Variants in AKAP10 observed in about 807,000 individuals in gnomAD.
The protein encoded by AKAP10 is A-kinase anchor protein 10, mitochondrial.
Under a neutral mutation model 80.8 loss-of-function variants are expected in AKAP10, and 24 were observed. That is an observed-to-expected ratio of 0.30 (90% CI 0.22 to 0.42). The LOEUF (loss-of-function observed/expected upper bound fraction) is 0.42, where lower values mean the gene tolerates loss of function less well. AKAP10 is among the 10% of genes least tolerant of loss of function. AKAP10 has a pLI of 1.00. For synonymous variants in AKAP10, 291 were observed against 277.7 expected, an observed-to-expected ratio of 1.05 and a Z score of -0.48; for missense variants, 661 against 794.9, an observed-to-expected ratio of 0.83 and a Z score of 2.03.
At chr17:19,954,586 A>G (rs1012009805) in intron 4 of AKAP10, among the ~76,000 whole-genome samples, 4 of 150,536 alleles carry the variant, frequency 2.7e-5, no homozygotes, top group Admixed American at 1.3e-4. Flanking sequence ...CCGGGTTCAC[A>G]CTATTCTCCT....
intron 4 of AKAP10, among the ~76,000 whole-genome samples, chr17:19,948,803 A>T (rs1309197409): frequency 6.6e-6 from 1 of 152,050 alleles, no homozygotes; most frequent in East Asian, 1.9e-4. Context: ...AGGCTTTGGG[A>T]CCTGACCATT....
At chr17:19,923,163 C>T (rs998888890) in intron 11 of AKAP10, among the ~76,000 whole-genome samples, 14 of 151,988 alleles carry the variant, frequency 9.2e-5, no homozygotes, top group Non-Finnish European at 7.4e-5. Flanking sequence ...CTGCAACCTC[C>T]GCCTCCCGGG....
intron 1 of AKAP10, among the ~76,000 whole-genome samples, chr17:19,974,486 A>C (rs965846979): frequency 6.6e-6 from 1 of 152,126 alleles, no homozygotes; most frequent in Admixed American, 6.5e-5. Context: ...TGGCCTAGGG[A>C]AGCCAAAAGA....
chr17:19,906,226 G>A lies in AKAP10; in HGVS notation c.*1C>T, dbSNP rs754704606. 6.2e-7 allele frequency: 1 copy of A among 1,607,434 alleles called. No individual in the cohort carries two copies. ...AGATTTCCTTTATCTCAAGTTTTGAGTCATAACTGAAAAAAGAAAAGAAAA... is the reference window on the plus strand; with the variant it reads ...AGATTTCCTTTATCTCAAGTTTTGAATCATAACTGAAAAAAGAAAAGAAAA... On this transcript the variant is annotated 3_prime_UTR_variant, in exon 15 of 15. Coordinates refer to ENST00000225737, the MANE Select transcript of AKAP10 (RefSeq NM_007202.4).
intron 4 of AKAP10, among the ~76,000 whole-genome samples, chr17:19,948,835 C>G (rs944963206): frequency 3.9e-5 from 6 of 152,018 alleles, no homozygotes; most frequent in Non-Finnish European, 7.4e-5. Flanking sequence ...AGACTGGACA[C>G]AGAAAGGCAC....
Position 19,975,496 on chromosome 17 carries a change from C to T in AKAP10, c.88+2096G>A, listed in dbSNP as rs541063903. Among the ~76,000 whole-genome samples the T allele has an allele frequency of 2.2e-4, 34 of 152,316 alleles. No homozygotes were observed. The South Asian group carries it at 6.2e-3, about 28-fold the overall frequency. ...CCCTGGCCTCTCTAGTTACCTCCTACTGATCCTTCAGCTCTAAGTTTCAAG... is the reference window on the plus strand; with the variant it reads ...CCCTGGCCTCTCTAGTTACCTCCTATTGATCCTTCAGCTCTAAGTTTCAAG... On this transcript the variant is annotated intron_variant, in intron 1 of 14. Transcript: ENST00000225737.
intron 4 of AKAP10, among the ~76,000 whole-genome samples, chr17:19,950,780 A>C (rs2043193800): frequency 6.8e-6 from 1 of 146,836 alleles, no homozygotes; most frequent in Non-Finnish European, 1.5e-5. Context: ...ATCGTCTGGG[A>C]TGTGAGGAGC....
In AKAP10 at chr17:19,917,441, C is replaced by A. The variant is rs142126979; in HGVS notation, c.1834+2595G>T. Among the ~76,000 whole-genome samples, 403 of 152,320 alleles carry A rather than the reference C, an allele frequency of 2.6e-3. 1 individual carries two copies. The highest frequency in any genetic ancestry group is 9.2e-3 in the African/African-American group (381 of 41,578). On this transcript the variant is annotated intron_variant, in intron 12 of 14. Coordinates refer to ENST00000225737, the MANE Select transcript of AKAP10 (RefSeq NM_007202.4). ...CACTTCCTCTGTTCTAAAACCACCA[C>A]TGACCTCTTCCCAGTATTCCTTAAA...
chr17:19,954,687 G>T lies in AKAP10; in HGVS notation c.877+3327C>A, dbSNP rs191821195. 2.5e-3 allele frequency among the ~76,000 whole-genome samples: 384 copies of T among 151,048 alleles called. 13 individuals are homozygous for T. The East Asian group carries it at 0.071, about 28-fold the overall frequency. On this transcript the variant is annotated intron_variant, in intron 4 of 14. Coordinates refer to ENST00000225737, the MANE Select transcript of AKAP10 (RefSeq NM_007202.4). ...TTTTTGTATTTTTAGTAGAGATGGG[G>T]TTTCACCGCATTAGCCAGGATGGTC...
chr17:19,958,912 G>A (rs182007691), intron 3 of AKAP10, among the ~76,000 whole-genome samples: 9 of 141,142 alleles, frequency 6.4e-5, no homozygotes, highest in Admixed American at 3.0e-4. Context: ...GCAATGGCGC[G>A]ATCTCGGCTC....
chr17:19,935,105 G>C (rs2042978989), intron 9 of AKAP10, among the ~76,000 whole-genome samples: 1 of 152,168 alleles, frequency 6.6e-6, no homozygotes, highest in Admixed American at 6.5e-5. Context: ...TACAAACCTA[G>C]ATGGTATGGC....
chr17:19,916,753 C>A (rs190806328), intron 12 of AKAP10, among the ~76,000 whole-genome samples: 8 of 146,010 alleles, frequency 5.5e-5, no homozygotes, highest in Non-Finnish European at 9.0e-5. Flanking sequence ...CTGGCTAATG[C>A]GGTGAAACCC....
chr17:19,968,522 T>A (rs2043452969), intron 1 of AKAP10, 61 bp from the exon 2 acceptor site: 8 of 1,362,712 alleles, frequency 5.9e-6, no homozygotes, highest in African/African-American at 1.4e-5. Context: ...TCTATAACAC[T>A]GTAAAAATTA....
chr17:19,968,568 T>G, intron 1 of AKAP10, 107 bp from the exon 2 acceptor site: 1 of 930,050 alleles, frequency 1.1e-6, no homozygotes, highest in African/African-American at 1.6e-5. Flanking sequence ...TTCAAAGTTC[T>G]AGAACAATGG....
intron 4 of AKAP10, among the ~76,000 whole-genome samples, chr17:19,956,591 G>C (rs1230937743): frequency 6.6e-6 from 1 of 152,144 alleles, no homozygotes; most frequent in African/African-American, 2.4e-5. Flanking sequence ...GGGTCTTGCT[G>C]TGTTGCCCAG....
chr17:19,923,065 T>C lies in AKAP10; in HGVS notation c.1751+1343A>G, dbSNP rs555219843. ...GGAATGAACTCATTTAGGTTTACTG[T>C]CCATTCTTTTTTATTTTATTATTAT... On this transcript the variant is annotated intron_variant, in intron 11 of 14. Transcript: ENST00000225737. 2.6e-5 allele frequency among the ~76,000 whole-genome samples: 4 copies of C among 152,260 alleles called. No homozygotes were observed. The South Asian group carries it at 6.2e-4, about 24-fold the overall frequency.
chr17:19,948,211 T>C (rs558003263), intron 4 of AKAP10, among the ~76,000 whole-genome samples: 1 of 152,132 alleles, frequency 6.6e-6, no homozygotes, highest in Non-Finnish European at 1.5e-5. Flanking sequence ...GACAAATGCA[T>C]CCAAGGACTT....
At chr17:19,974,619 G>A (rs1027457133) in intron 1 of AKAP10, among the ~76,000 whole-genome samples, 4 of 152,092 alleles carry the variant, frequency 2.6e-5, no homozygotes, top group African/African-American at 9.7e-5. Context: ...TGCATTGATG[G>A]TATTTAAAGT....
At chr17:19,975,213 G>A (rs1368339011) in intron 1 of AKAP10, among the ~76,000 whole-genome samples, 1 of 152,080 alleles carries the variant, frequency 6.6e-6, no homozygotes, top group Non-Finnish European at 1.5e-5. Context: ...GTTTTGTACA[G>A]GTCTCATGTT....
Sources: allele counts gnomAD v4.1 joint callset (sites outside exome capture counted in the v4.1 genomes callset), GRCh38; gene constraint gnomAD v4.1.1; transcripts MANE v1.5; gene names NCBI Gene and HGNC (gene_info 2026-07-23, HGNC 2026-07-21).